Variants in TAF15 observed in about 807,000 individuals in gnomAD.
TAF15 encodes TATA-binding protein-associated factor 2N.
Under a neutral mutation model 102.5 loss-of-function variants are expected in TAF15, and 37 were observed. That is an observed-to-expected ratio of 0.36 (90% confidence interval 0.28 to 0.47). The LOEUF is 0.47. TAF15 is among the 20% of genes least tolerant of loss of function. The probability of loss-of-function intolerance (pLI) is 0.99; values close to 1 mark genes in which losing one functional copy is unlikely to be tolerated. For synonymous variants in TAF15, 273 were observed against 259.2 expected, an observed-to-expected ratio of 1.05 and a Z score of -0.51; for missense variants, 652 against 760.7, an observed-to-expected ratio of 0.86 and a Z score of 1.68.
rs1284896035 is a variant in TAF15, at chr17:35,847,137, A to G, written c.*192A>G. 6.1e-6 allele frequency: 4 copies of G among 658,932 alleles called. No homozygotes were observed. Among genetic ancestry groups the G allele is most frequent in the Non-Finnish European group, 1.1e-5 (4 of 376,398 alleles). 40.8% of individuals were successfully genotyped at this position (658,932 alleles called of 1,614,324 possible). On this transcript the variant is annotated 3_prime_UTR_variant, in exon 16 of 16. Transcript: ENST00000605844. ...TTGAGATTTCCCCCTTTAGTTTCCAACCTTCTCCCCAACCCTTGGAGCTAA... is the reference window on the plus strand; with the variant it reads ...TTGAGATTTCCCCCTTTAGTTTCCAGCCTTCTCCCCAACCCTTGGAGCTAA...
chr17:35,824,822 G>C (rs1284471623), intron 7 of TAF15, among the ~76,000 whole-genome samples: 3 of 152,036 alleles, frequency 2.0e-5, no homozygotes, highest in African/African-American at 4.8e-5. Flanking sequence ...CTCCATGCTA[G>C]TGTTATCAGG....
intron 7 of TAF15, among the ~76,000 whole-genome samples, chr17:35,832,459 A>G (rs1182422054): frequency 1.3e-5 from 2 of 150,324 alleles, no homozygotes; most frequent in Non-Finnish European, 3.0e-5. Flanking sequence ...ATGTATTAAG[A>G]AGGGAGAATT....
intron 11 of TAF15, 40 bp from the exon 12 acceptor site, chr17:35,842,327 T>C (rs768074190): frequency 6.8e-7 from 1 of 1,478,020 alleles, no homozygotes; most frequent in Non-Finnish European, 9.5e-7. Flanking sequence ...GGTGGAGGTA[T>C]AGAGTAGCAT....
At chr17:35,809,637 T>C (rs2087100605) in intron 1 of TAF15, 61 bp downstream of exon 1, 1 of 1,609,990 alleles carries the variant, frequency 6.2e-7, no homozygotes, top group East Asian at 2.2e-5. Flanking sequence ...GGTTGGGCTG[T>C]CTTCCCGCCC....
intron 7 of TAF15, among the ~76,000 whole-genome samples, chr17:35,832,016 T>C (rs1429703100): frequency 6.6e-6 from 1 of 152,112 alleles, no homozygotes; most frequent in East Asian, 1.9e-4. Flanking sequence ...AGGCGGAGCT[T>C]GCGGTGAGCC....
intron 7 of TAF15, 128 bp from the exon 8 acceptor site, chr17:35,833,777 TAC>T (rs2143801221): frequency 1.2e-6 from 1 of 821,296 alleles, no homozygotes; most frequent in East Asian, 2.6e-5. Context: ...AAATGGAATT[TAC>T]TGAAAACTTA....
chr17:35,846,858 T>G, intron 15 of TAF15, 48 bp from the exon 16 acceptor site: 1 of 1,609,178 alleles, frequency 6.2e-7, no homozygotes, highest in Non-Finnish European at 8.5e-7. Flanking sequence ...ATGCTCCCCC[T>G]TCGTAGAAAA....
intron 7 of TAF15, among the ~76,000 whole-genome samples, chr17:35,824,825 T>G (rs938178544): frequency 1.3e-5 from 2 of 152,204 alleles, no homozygotes; most frequent in Non-Finnish European, 2.9e-5. Flanking sequence ...CATGCTAGTG[T>G]TATCAGGTTT....
intron 7 of TAF15, among the ~76,000 whole-genome samples, chr17:35,831,027 C>T (rs865902149): frequency 1.3e-5 from 2 of 152,076 alleles, no homozygotes; most frequent in African/African-American, 4.8e-5. Context: ...GTTCTTTTTC[C>T]AGTGTACTAT....
chr17:35,845,103 C>A, intron 15 of TAF15, 65 bp downstream of exon 15: 1 of 1,597,456 alleles, frequency 6.3e-7, no homozygotes, highest in Non-Finnish European at 8.6e-7. Flanking sequence ...GGATTTGAAC[C>A]ACATTTTAAC....
intron 6 of TAF15, among the ~76,000 whole-genome samples, chr17:35,823,251 TAGTA>T (rs1214140087): frequency 6.6e-6 from 1 of 152,172 alleles, no homozygotes; most frequent in African/African-American, 2.4e-5. Context: ...GAATAGTAAA[TAGTA>T]AGTGCTTGTT....
At position 35,819,193 on chromosome 17, in the gene TAF15, A is replaced by G. The variant is rs550928622; in HGVS notation, c.48-831A>G. Among the ~76,000 whole-genome samples the G allele has an allele frequency of 2.0e-5, 3 of 152,366 alleles. No homozygotes were observed. The East Asian group carries it at 5.8e-4, about 29-fold the overall frequency. ...AGTGCTAACTTCCTAGTAGGTATCT[A>G]GCAAAATGTTTATTTGGTGAAATGT... On this transcript the variant is annotated intron_variant, in intron 2 of 15. Transcript: ENST00000605844.
intron 8 of TAF15, 94 bp from the exon 9 acceptor site, chr17:35,834,472 T>G: frequency 8.6e-7 from 1 of 1,168,330 alleles, no homozygotes; most frequent in Non-Finnish European, 1.3e-6. Context: ...TTGGAAGTAT[T>G]GACTTTTCAT....
chr17:35,829,589 G>T (rs1482333493), intron 7 of TAF15, among the ~76,000 whole-genome samples: 18 of 126,840 alleles, frequency 1.4e-4, no homozygotes, highest in Non-Finnish European at 2.4e-4. Context: ...CCGAGATCGT[G>T]CCACTGTACT....
chr17:35,822,432 TC>T (rs969795599), intron 5 of TAF15, among the ~76,000 whole-genome samples: 69 of 152,322 alleles, frequency 4.5e-4, no homozygotes, highest in African/African-American at 1.6e-3. Context: ...ACATTTTTTT[TC>T]ATAATGTGGC....
At position 35,822,291 on chromosome 17, in the gene TAF15, C is replaced by T. The variant is rs185679361; in HGVS notation, c.291-349C>T. On this transcript the variant is annotated intron_variant, in intron 5 of 15. Coordinates refer to ENST00000605844, the MANE Select transcript of TAF15 (RefSeq NM_139215.3). ...ATGAGGTGGAGGTTGCGGTGAGCCA[C>T]GATCGCGCCATTGCACTCCAGCAGC... Among the ~76,000 whole-genome samples, 856 of 148,004 alleles carry T rather than the reference C, an allele frequency of 5.8e-3. 11 individuals carry two copies. Among genetic ancestry groups the T allele is most frequent in the African/African-American group, 0.02 (787 of 39,880 alleles).
rs939021509 is a variant in TAF15 at position 35,843,106 on chromosome 17, CT to C, written c.1006+656del. 9.9e-5 allele frequency among the ~76,000 whole-genome samples: 15 copies of C among 151,124 alleles called. 1 individual carries two copies. The highest frequency in any genetic ancestry group is 5.3e-4 in the Admixed American group (8 of 15,134). ...AGCTGCCTGATACAGTTACTGCCAG[CT>C]TTTTTTTTATTTTTTATTTATTTAT... On this transcript the variant is annotated intron_variant, in intron 12 of 15. Transcript: ENST00000605844.
chr17:35,846,897 C>A lies in TAF15; in HGVS notation c.1740-9C>A. The A allele has an allele frequency of 4.3e-6, 7 of 1,614,092 alleles. No homozygotes were observed. The highest frequency in any genetic ancestry group is 5.9e-6 in the Non-Finnish European group (7 of 1,179,944). On this transcript the variant is annotated splice_polypyrimidine_tract_variant and intron_variant, in intron 15 of 15. Coordinates refer to ENST00000605844, the MANE Select transcript of TAF15 (RefSeq NM_139215.3). ...GAATTTAGTCCGGCTCTTTATTTTT[C>A]ATTCCTAGAAACGACTACAGAAATG...
Position 35,814,957 on chromosome 17 carries a change from T to C in TAF15, c.8-2759T>C, listed in dbSNP as rs531325282. 4.0e-5 allele frequency among the ~76,000 whole-genome samples: 6 copies of C among 151,840 alleles called. No individual in the cohort carries two copies. The South Asian group carries it at 8.3e-4, about 21-fold the overall frequency. On this transcript the variant is annotated intron_variant, in intron 1 of 15. Transcript: ENST00000605844. ...TAGTTATATGGGAAGTTAAAAAAAA[T>C]ACCTCTTTGTGTAATTAATAGATCA...
Sources: allele counts gnomAD v4.1 joint callset (sites outside exome capture counted in the v4.1 genomes callset), GRCh38; gene constraint gnomAD v4.1.1; transcripts MANE v1.5; gene names NCBI Gene and HGNC (gene_info 2026-07-23, HGNC 2026-07-21).